The following DNAJC3 variants were observed in gnomAD, a reference collection of about 807,000 sequenced individuals.
DNAJC3 encodes the protein DnaJ heat shock protein family (Hsp40) member C3.
In DNAJC3, 38 loss-of-function variants were observed where a neutral mutation model predicts 68.6. The observed-to-expected ratio is 0.55, with a 90% confidence interval of 0.43 to 0.73. The LOEUF (loss-of-function observed/expected upper bound fraction) is 0.73, where lower values mean the gene tolerates loss of function less well. Among genes scored for constraint, DNAJC3 ranks in the 30% least tolerant of loss-of-function variants. The probability of loss-of-function intolerance (pLI) is 0.00; values close to 1 mark genes in which losing one functional copy is unlikely to be tolerated. For synonymous variants in DNAJC3, 203 were observed against 204.0 expected (o/e 1.00, Z 0.04); for missense variants, 526 against 591.9 (o/e 0.89, Z 1.16).
chr13:95,693,494 A>G (rs1880339535), intron 1 of DNAJC3: 1 of 152,154 alleles, frequency 6.6e-6, no homozygotes, highest in African/African-American at 2.4e-5. Context: ...TAAACACCTA[A>G]TAATAGGCAG....
At chr13:95,783,592 A>G (rs1883513159) in intron 9 of DNAJC3, among the ~76,000 whole-genome samples, 3 of 152,218 alleles carry the variant, frequency 2.0e-5, no homozygotes. Flanking sequence ...GTTGGGCTAT[A>G]GTAACATTTA....
chr13:95,681,595 C>T (rs1398456692), intron 1 of DNAJC3, among the ~76,000 whole-genome samples: 1 of 152,176 alleles, frequency 6.6e-6, no homozygotes, highest in Non-Finnish European at 1.5e-5. Flanking sequence ...CTCAAGCAAT[C>T]CTCATCCCTT....
In DNAJC3 at chr13:95,765,649, G is replaced by T. The variant is rs1021524079; in HGVS notation, c.1075+1696G>T. Among the ~76,000 whole-genome samples, 3 of 139,962 alleles carry T rather than the reference G, an allele frequency of 2.1e-5. No homozygotes were observed. In the Admixed American group the frequency reaches 2.4e-4, roughly 11 times the overall value. The allele number at this position is 139,962 out of a possible 152,430, so 91.8% of individuals were successfully genotyped here. ...TGCAGTGGCACAATCTTGGCTCACT[G>T]CAACCTCCACCTCCCAATTGCAACC... On this transcript the variant is annotated intron_variant, in intron 9 of 11. Transcript: ENST00000602402.
intron 4 of DNAJC3, among the ~76,000 whole-genome samples, chr13:95,729,968 T>C (rs747657704): frequency 1.3e-5 from 2 of 152,154 alleles, no homozygotes; most frequent in Admixed American, 1.3e-4. Flanking sequence ...TCCACTCTGT[T>C]GATTGTGTCT....
At chr13:95,746,838 C>G (rs1882320031) in intron 4 of DNAJC3, among the ~76,000 whole-genome samples, 1 of 152,242 alleles carries the variant, frequency 6.6e-6, no homozygotes, top group South Asian at 2.1e-4. Flanking sequence ...CAGTGAGAAT[C>G]TCATTCTTTA....
At chr13:95,698,149 C>T (rs886123786) in intron 1 of DNAJC3, among the ~76,000 whole-genome samples, 3 of 151,448 alleles carry the variant, frequency 2.0e-5, no homozygotes, top group Non-Finnish European at 4.4e-5. Flanking sequence ...AGAGTATGCT[C>T]TAGGGTAGAG....
chr13:95,761,262 G>A (rs1882811520), intron 7 of DNAJC3, among the ~76,000 whole-genome samples: 1 of 152,028 alleles, frequency 6.6e-6, no homozygotes. Context: ...TAAAAGAGGA[G>A]CTTTTTTTTT....
At chr13:95,693,450 ATTAT>A (rs1880338021) in intron 1 of DNAJC3, 1 of 152,140 alleles carries the variant, frequency 6.6e-6, no homozygotes, top group African/African-American at 2.4e-5. Flanking sequence ...CACAACTCTA[ATTAT>A]TAATGAAAAT....
intron 1 of DNAJC3, among the ~76,000 whole-genome samples, chr13:95,688,112 G>C (rs1369154059): frequency 6.6e-6 from 1 of 152,170 alleles, no homozygotes; most frequent in Non-Finnish European, 1.5e-5. Context: ...TGTTACTGCT[G>C]CTTGTACATT....
intron 1 of DNAJC3, among the ~76,000 whole-genome samples, chr13:95,685,572 C>T (rs922711634): frequency 6.6e-6 from 1 of 152,080 alleles, no homozygotes; most frequent in African/African-American, 2.4e-5. Flanking sequence ...AATGTGAGAA[C>T]ATGATATTTT....
chr13:95,729,177 C>G (rs566712012), intron 4 of DNAJC3, among the ~76,000 whole-genome samples: 103 of 143,618 alleles, frequency 7.2e-4, no homozygotes, highest in African/African-American at 2.5e-3. Flanking sequence ...TTCTCATTCA[C>G]TCATTCTCTC....
chr13:95,712,380 T>TC (rs1880999966), intron 2 of DNAJC3, among the ~76,000 whole-genome samples: 1 of 150,652 alleles, frequency 6.6e-6, no homozygotes, highest in Admixed American at 6.6e-5. Context: ...TTTTCTTTTT[T>TC]TTTTTTTTTT....
At position 95,711,474 on chromosome 13, in the gene DNAJC3, G is replaced by C. The variant is rs1216566519; in HGVS notation, c.193+2137G>C. Among the ~76,000 whole-genome samples, 4 of 151,824 alleles carry C rather than the reference G, an allele frequency of 2.6e-5. No individual in the cohort carries two copies. The East Asian group carries it at 7.7e-4, about 29-fold the overall frequency. On this transcript the variant is annotated intron_variant, in intron 2 of 11. Coordinates refer to ENST00000602402, the MANE Select transcript of DNAJC3 (RefSeq NM_006260.5). ...GATCGCACCATTGCACTCTAGCCTGGGTGGCAGAGTGAGACTCCATCTCAA... is the reference window on the plus strand; with the variant it reads ...GATCGCACCATTGCACTCTAGCCTGCGTGGCAGAGTGAGACTCCATCTCAA...
At chr13:95,765,265 G>A (rs564243145) in intron 9 of DNAJC3, among the ~76,000 whole-genome samples, 2 of 152,148 alleles carry the variant, frequency 1.3e-5, no homozygotes, top group East Asian at 1.9e-4. Flanking sequence ...GTGTCTACTC[G>A]GTGAGATGGT....
rs141145448 is a variant in DNAJC3 at position 95,762,312 on chromosome 13, C to A, written c.849-1331C>A. On this transcript the variant is annotated intron_variant, in intron 7 of 11. Coordinates refer to ENST00000602402, the MANE Select transcript of DNAJC3 (RefSeq NM_006260.5). ...AGTCTGTCCTTTTCAGGTCCTCTGGCTAGACAGAGCAGACTTCTGCAGGTT... is the reference window on the plus strand; with the variant it reads ...AGTCTGTCCTTTTCAGGTCCTCTGGATAGACAGAGCAGACTTCTGCAGGTT... 6.1e-3 allele frequency among the ~76,000 whole-genome samples: 934 copies of A among 152,212 alleles called. 19 individuals carry two copies. The highest frequency in any genetic ancestry group is 4.3e-3 in the Non-Finnish European group (291 of 68,012).
chr13:95,767,696 T>G (rs368501252), intron 9 of DNAJC3, among the ~76,000 whole-genome samples: 5 of 147,632 alleles, frequency 3.4e-5, no homozygotes, highest in Admixed American at 6.6e-5. Flanking sequence ...TTTGGGTTTT[T>G]TTTTTTTTTT....
chr13:95,681,248 T>G (rs1183264672), intron 1 of DNAJC3, among the ~76,000 whole-genome samples: 1 of 152,220 alleles, frequency 6.6e-6, no homozygotes, highest in African/African-American at 2.4e-5. Flanking sequence ...AACCCAACAC[T>G]GGTTAAATTC....
At chr13:95,766,795 G>A (rs1050599147) in intron 9 of DNAJC3, among the ~76,000 whole-genome samples, 3 of 151,490 alleles carry the variant, frequency 2.0e-5, no homozygotes, top group South Asian at 2.1e-4. Context: ...TCCGGGTCCC[G>A]GTTCAAGCAA....
intron 9 of DNAJC3, among the ~76,000 whole-genome samples, chr13:95,777,509 T>C (rs1374073425): frequency 6.6e-6 from 1 of 152,222 alleles, no homozygotes; most frequent in African/African-American, 2.4e-5. Flanking sequence ...CTTTGCCTTG[T>C]CATCATTAGC....
Sources: gnomAD v4.1 joint callset for allele counts (sites outside exome capture counted in the v4.1 genomes callset) on GRCh38, gnomAD v4.1.1 for gene constraint, MANE v1.5 for transcripts, NCBI Gene and HGNC (gene_info 2026-07-23, HGNC 2026-07-21) for gene names.